Variants in FAT3 observed in about 807,000 individuals in gnomAD.
FAT3 encodes FAT atypical cadherin 3.
Under a neutral mutation model 310.2 loss-of-function variants are expected in FAT3, and 95 were observed. The ratio of observed to expected loss-of-function variants is 0.31; its 90% confidence interval spans 0.26 to 0.36. The LOEUF (loss-of-function observed/expected upper bound fraction) is 0.36, where lower values mean the gene tolerates loss of function less well. Ranked by LOEUF, FAT3 falls within the 10% of genes least tolerant of loss-of-function variation. FAT3 has a pLI of 1.00. For missense variants in FAT3, 5,408 were observed against 5,715.6 expected (o/e 0.95, Z 1.74); for synonymous variants, 2,314 against 2,192.9 (o/e 1.06, Z -1.54).
intron 2 of FAT3, among the ~76,000 whole-genome samples, chr11:92,417,856 T>C (rs1202558845): frequency 6.6e-6 from 1 of 152,190 alleles, no homozygotes; most frequent in South Asian, 2.1e-4. Flanking sequence ...GATCTCCAAG[T>C]GATGGTTGTC....
In FAT3 at chr11:92,895,024, A is replaced by C. The variant is rs1950000197; in HGVS notation, c.*3911A>C. The stretch of plus-strand genomic sequence containing the variant: ...GAGATTATCAAAATAAATTATTAAA[A>C]TCCAGAAAACAGTTTTATGTGAAGT... On this transcript the variant is annotated 3_prime_UTR_variant, in exon 28 of 28. Coordinates refer to ENST00000525166, the MANE Select transcript of FAT3 (RefSeq NM_001367949.2). 6.6e-6 allele frequency: 1 copy of C among 152,232 alleles called. No individual in the cohort carries two copies. The highest frequency in any genetic ancestry group is 1.5e-5 in the Non-Finnish European group (1 of 68,038). The allele number at this position is 152,232 out of a possible 1,614,324, so 9.4% of individuals were successfully genotyped here. A position where few individuals can be genotyped will look rare whatever the true frequency, so the allele number is the denominator to read the frequency against.
intron 4 of FAT3, among the ~76,000 whole-genome samples, chr11:92,732,064 G>A (rs1367029436): frequency 6.6e-6 from 1 of 151,872 alleles, no homozygotes; most frequent in Non-Finnish European, 1.5e-5. Context: ...TTTTCCACTG[G>A]TTTTATTTTT....
chr11:92,234,729 G>A (rs777735193), intron 1 of FAT3, among the ~76,000 whole-genome samples: 4 of 151,882 alleles, frequency 2.6e-5, no homozygotes, highest in African/African-American at 7.3e-5. Context: ...TGGTGAAACC[G>A]TATCTCTACT....
At position 92,413,820 on chromosome 11, in the gene FAT3, A is replaced by G. The variant is rs555931288; in HGVS notation, c.3292+58416A>G. The stretch of plus-strand genomic sequence containing the variant: ...CATATATGTTGACAGGCGGGAGAGG[A>G]AAGTTTCTTAGCAGAACTGAGATGA... On this transcript the variant is annotated intron_variant, in intron 2 of 27. Transcript: ENST00000525166. 2.0e-5 allele frequency among the ~76,000 whole-genome samples: 3 copies of G among 152,316 alleles called. No homozygotes were observed. In the South Asian group the frequency reaches 6.2e-4, roughly 32 times the overall value.
At position 92,354,189 on chromosome 11, in the gene FAT3, G is replaced by A. The variant is rs755926119; in HGVS notation, c.2077G>A (p.Ala693Thr). 1.9e-6 allele frequency: 3 copies of A among 1,613,738 alleles called. No individual in the cohort carries two copies. The highest frequency in any genetic ancestry group is 1.7e-5 in the Admixed American group (1 of 59,948). ...AGAAACTCGTGTGGCTCAAAAGCTGGCAGAGAAACTACTCATTAAGGCAAA... is the reference window on the plus strand; with the variant it reads ...AGAAACTCGTGTGGCTCAAAAGCTGACAGAGAAACTACTCATTAAGGCAAA... The part of the protein sequence containing the change: ...CRETRVAQKL[A>T]EKLLIKAKAN... The change falls in exon 2 of 28, where the codon GCA becomes ACA. Residue 693 changes from alanine (A) to threonine (T), a missense_variant. Ala to Thr is a moderately conservative substitution (Grantham distance 58). Transcript: ENST00000525166.
At chr11:92,683,061 C>T (rs1265369319) in intron 3 of FAT3, among the ~76,000 whole-genome samples, 1 of 78,556 alleles carries the variant, frequency 1.3e-5, no homozygotes, top group Non-Finnish European at 2.5e-5. Flanking sequence ...CTGGGTGACA[C>T]AGCAAGACTC....
intron 1 of FAT3, among the ~76,000 whole-genome samples, chr11:92,316,982 G>C (rs1306678524): frequency 6.6e-6 from 1 of 152,200 alleles, no homozygotes; most frequent in Non-Finnish European, 1.5e-5. Context: ...GGAGGTGGCA[G>C]ATGAGGATTT....
In FAT3 at chr11:92,395,709, G is replaced by T. The variant is rs370428439; in HGVS notation, c.3292+40305G>T. Among the ~76,000 whole-genome samples the T allele has an allele frequency of 9.1e-4, 139 of 151,974 alleles. 3 individuals are homozygous for T. The South Asian group carries it at 0.027, about 29-fold the overall frequency. On this transcript the variant is annotated intron_variant, in intron 2 of 27. Transcript: ENST00000525166. Reference sequence around the variant, plus strand: ...TTCTCCTGCCTCACCCTCCTGAGTAGCTGGGATTACAGGAGGCTGCAACCA... The same window carrying T: ...TTCTCCTGCCTCACCCTCCTGAGTATCTGGGATTACAGGAGGCTGCAACCA...
rs941534463 is a variant in FAT3, at chr11:92,740,563, G to A, written c.3670-21293G>A. ...AAGCAGATGAATGTTAACTGGGAGTGGAGTGGAAGTTTTAGGCTTTAAAAA... is the reference window on the plus strand; with the variant it reads ...AAGCAGATGAATGTTAACTGGGAGTAGAGTGGAAGTTTTAGGCTTTAAAAA... On this transcript the variant is annotated intron_variant, in intron 4 of 27. Transcript: ENST00000525166. 5.9e-5 allele frequency among the ~76,000 whole-genome samples: 9 copies of A among 152,234 alleles called. No homozygotes were observed. In the East Asian group the frequency reaches 1.4e-3, roughly 23 times the overall value.
intron 1 of FAT3, among the ~76,000 whole-genome samples, chr11:92,301,779 T>G (rs975104924): frequency 7.9e-5 from 12 of 152,084 alleles, no homozygotes; most frequent in African/African-American, 2.9e-4. Context: ...AACTAGATCA[T>G]CTTGTGTGCC....
In FAT3 at chr11:92,804,825, C is replaced by G. The variant is rs571233857; in HGVS notation, c.8897-328C>G. Among the ~76,000 whole-genome samples the G allele has an allele frequency of 4.6e-5, 7 of 152,260 alleles. No individual in the cohort carries two copies. The South Asian group carries it at 8.3e-4, about 18-fold the overall frequency. On this transcript the variant is annotated intron_variant, in intron 10 of 27. Transcript: ENST00000525166. Reference sequence around the variant, plus strand: ...CCTCTCTTGAGACTAAGTGGAAAGACGATTGTGTCAGCCTGAGAAGACGAT... The same window carrying G: ...CCTCTCTTGAGACTAAGTGGAAAGAGGATTGTGTCAGCCTGAGAAGACGAT...
intron 18 of FAT3, 137 bp from the exon 19 acceptor site, chr11:92,843,797 C>T (rs1362039653): frequency 2.4e-6 from 2 of 821,908 alleles, no homozygotes; most frequent in Non-Finnish European, 3.9e-6. Flanking sequence ...ACATCCTCAG[C>T]ATTTTTCAGA....
chr11:92,615,566 G>A (rs1231071052), intron 3 of FAT3, among the ~76,000 whole-genome samples: 1 of 152,152 alleles, frequency 6.6e-6, no homozygotes, highest in African/African-American at 2.4e-5. Flanking sequence ...TAGTTATGAT[G>A]TTAGGTTGTC....
chr11:92,336,434 C>A (rs1315027264), intron 1 of FAT3: 1 of 324,258 alleles, frequency 3.1e-6, no homozygotes, highest in Admixed American at 4.2e-5. Context: ...TGGCCAAGAG[C>A]CTTTGCATCA....
chr11:92,291,258 T>C (rs1278389005), intron 1 of FAT3, among the ~76,000 whole-genome samples: 1 of 152,118 alleles, frequency 6.6e-6, no homozygotes, highest in African/African-American at 2.4e-5. Flanking sequence ...TCTCAAGCAC[T>C]CTATCCTGTT....
rs879161595 is a variant in FAT3 at position 92,412,605 on chromosome 11, T to C, written c.3292+57201T>C. 2.1e-5 allele frequency among the ~76,000 whole-genome samples: 3 copies of C among 144,976 alleles called. No homozygotes were observed. In the Admixed American group the frequency reaches 2.1e-4, roughly 10 times the overall value. On this transcript the variant is annotated intron_variant, in intron 2 of 27. Transcript: ENST00000525166. The stretch of plus-strand genomic sequence containing the variant: ...CACATAGATACATTTTTTTCTAACA[T>C]ATTTAGCTGTAATAAGAATTAGCAA...
intron 1 of FAT3, among the ~76,000 whole-genome samples, chr11:92,337,933 G>T (rs753847898): frequency 3.9e-5 from 6 of 152,054 alleles, no homozygotes; most frequent in African/African-American, 1.4e-4. Context: ...TGTTCATAGT[G>T]GTCAAATCAC....
intron 2 of FAT3, among the ~76,000 whole-genome samples, chr11:92,507,630 G>T (rs901175770): frequency 2.0e-5 from 3 of 147,938 alleles, no homozygotes; most frequent in African/African-American, 5.3e-5. Flanking sequence ...TAGGAAAATT[G>T]GAGGAGATGT....
At chr11:92,565,881 G>T (rs889033370) in intron 3 of FAT3, among the ~76,000 whole-genome samples, 4 of 152,030 alleles carry the variant, frequency 2.6e-5, no homozygotes, top group South Asian at 4.2e-4. Flanking sequence ...TTGATGGGAC[G>T]TATCTCAAAA....
Sources: gnomAD v4.1 joint callset for allele counts (sites outside exome capture counted in the v4.1 genomes callset) on GRCh38, gnomAD v4.1.1 for gene constraint, MANE v1.5 for transcripts, NCBI Gene and HGNC (gene_info 2026-07-23, HGNC 2026-07-21) for gene names.